The following TBC1D1 variants were observed in gnomAD, a reference collection of about 807,000 sequenced individuals.
The protein encoded by TBC1D1 is TBC1 (tre-2/USP6, BUB2, cdc16) domain family, member 1.
A neutral mutation model predicts 125.6 loss-of-function variants in TBC1D1; 89 were observed. The observed-to-expected ratio is 0.71, with a 90% CI of 0.60 to 0.85. TBC1D1 has a LOEUF of 0.85. TBC1D1 is among the 40% of genes least tolerant of loss of function. The probability of loss-of-function intolerance (pLI) is 0.00; values close to 1 mark genes in which losing one functional copy is unlikely to be tolerated. For missense variants in TBC1D1, 1,377 were observed against 1,469.2 expected (o/e 0.94, Z 1.03); for synonymous variants, 565 against 564.1 (o/e 1.00, Z -0.02).
At chr4:38,054,442 A>G in intron 12 of TBC1D1, 104 bp downstream of exon 14, 6 of 1,466,960 alleles carry the variant, frequency 4.1e-6, no homozygotes, top group Non-Finnish European at 4.7e-6. Flanking sequence ...CCTCTTCAGT[A>G]TTGGCAGGTC....
At chr4:38,092,885 C>T (rs1172937433) in intron 13 of TBC1D1, among the ~76,000 whole-genome samples, 1 of 152,110 alleles carries the variant, frequency 6.6e-6, no homozygotes, top group Admixed American at 6.6e-5. Flanking sequence ...GACTCACACA[C>T]ACACTCAGAC....
At chr4:38,116,348 C>G (rs566624164) in intron 16 of TBC1D1, among the ~76,000 whole-genome samples, 1 of 152,300 alleles carries the variant, frequency 6.6e-6, no homozygotes, top group South Asian at 2.1e-4. Context: ...GCCTCACCCC[C>G]ACCCTTGTCA....
At position 37,948,997 on chromosome 4, in the gene TBC1D1, G is replaced by A. The variant is rs148917722; in HGVS notation, c.417+46485G>A. 2.8e-3 allele frequency among the ~76,000 whole-genome samples: 424 copies of A among 152,196 alleles called. 5 individuals are homozygous for A. The highest frequency in any genetic ancestry group is 9.7e-3 in the African/African-American group (403 of 41,524). The stretch of plus-strand genomic sequence containing the variant: ...TAATACTCTATTGTATGGATATACC[G>A]CATTTTGTTTATCCAATCGTCAGTT... On this transcript the variant is annotated intron_variant, in intron 2 of 19. Transcript: ENST00000261439.
intron 11 of TBC1D1, among the ~76,000 whole-genome samples, chr4:38,052,647 T>C (rs1366883822): frequency 1.3e-5 from 2 of 152,066 alleles, no homozygotes; most frequent in Non-Finnish European, 2.9e-5. Flanking sequence ...AAATTGTTTT[T>C]TTATACTTAT....
At chr4:37,992,294 G>C (rs1055012907) in intron 2 of TBC1D1, among the ~76,000 whole-genome samples, 8 of 152,096 alleles carry the variant, frequency 5.3e-5, no homozygotes, top group Non-Finnish European at 1.0e-4. Flanking sequence ...TTTTGGGCTC[G>C]TGGTGAGAGA....
intron 15 of TBC1D1, among the ~76,000 whole-genome samples, chr4:38,115,321 C>G (rs60610248): frequency 0.015 from 2,331 of 152,150 alleles, 59 homozygotes; most frequent in African/African-American, 0.053. Context: ...AGGCTGGTCT[C>G]GAACTCCTGA....
intron 8 of TBC1D1, among the ~76,000 whole-genome samples, chr4:38,043,005 G>A (rs569682634): frequency 6.8e-4 from 104 of 152,130 alleles, no homozygotes; most frequent in Middle Eastern, 3.4e-3. Context: ...GAGTTCAAGC[G>A]ATTCTCCTGC....
chr4:38,013,075 G>A lies in TBC1D1; in HGVS notation c.418-1434G>A, dbSNP rs553517297. On this transcript the variant is annotated intron_variant, in intron 2 of 19. Transcript: ENST00000261439. ...CCCAAAGTGCTGGGATTACAGGCATGAGCCACTGCGCCTGGCTGAAATTTT... is the reference window on the plus strand; with the variant it reads ...CCCAAAGTGCTGGGATTACAGGCATAAGCCACTGCGCCTGGCTGAAATTTT... Among the ~76,000 whole-genome samples the A allele has an allele frequency of 3.3e-5, 5 of 152,360 alleles. No homozygotes were observed. In the South Asian group the frequency reaches 1.0e-3, roughly 32 times the overall value.
At chr4:37,954,242 T>TA (rs1728466527) in intron 2 of TBC1D1, among the ~76,000 whole-genome samples, 1 of 152,232 alleles carries the variant, frequency 6.6e-6, no homozygotes. Flanking sequence ...AGACGTCTTC[T>TA]AATATCTCAT....
intron 4 of TBC1D1, 71 bp downstream of exon 4, chr4:38,018,514 G>A: frequency 1.0e-6 from 1 of 989,138 alleles, no homozygotes. Context: ...TATCTATCAT[G>A]TAACAAATGC....
intron 15 of TBC1D1, chr4:38,110,059 C>T (rs1201741569): frequency 1.3e-5 from 3 of 222,454 alleles, no homozygotes; most frequent in East Asian, 1.8e-4. Context: ...GCAGAGCCAC[C>T]GTGAGACTGA....
intron 2 of TBC1D1, among the ~76,000 whole-genome samples, chr4:37,918,664 T>G (rs1027083257): frequency 1.3e-5 from 2 of 152,176 alleles, no homozygotes; most frequent in Admixed American, 6.5e-5. Context: ...GCCAGGCTGG[T>G]CTCAAACTCC....
intron 8 of TBC1D1, 49 bp from the exon 9 acceptor site, chr4:38,044,313 G>GA (rs1377649309): frequency 7.7e-6 from 12 of 1,557,644 alleles, no homozygotes; most frequent in Non-Finnish European, 1.0e-5. Flanking sequence ...ATTCCTTTAA[G>GA]AAGCAGAGAA....
chr4:38,050,491 C>T (rs971806168), intron 11 of TBC1D1, among the ~76,000 whole-genome samples: 2 of 152,192 alleles, frequency 1.3e-5, no homozygotes, highest in African/African-American at 2.4e-5. Context: ...GTTCCTGTGA[C>T]CAGTTAGAAT....
chr4:37,992,049 A>C (rs1292156513), intron 2 of TBC1D1, among the ~76,000 whole-genome samples: 1 of 152,204 alleles, frequency 6.6e-6, no homozygotes, highest in Non-Finnish European at 1.5e-5. Context: ...AGTTGAGTGG[A>C]GCCCCATTGG....
intron 2 of TBC1D1, among the ~76,000 whole-genome samples, chr4:37,916,364 A>G (rs1380053668): frequency 6.6e-6 from 1 of 152,024 alleles, no homozygotes; most frequent in African/African-American, 2.4e-5. Context: ...ATATACATAT[A>G]TATATACATA....
intron 2 of TBC1D1, among the ~76,000 whole-genome samples, chr4:37,996,952 C>T (rs1486269520): frequency 2.6e-5 from 4 of 152,154 alleles, no homozygotes; most frequent in Non-Finnish European, 5.9e-5. Flanking sequence ...AGGGGTTTGG[C>T]TTTTTAAGAT....
rs755025486 is a variant in TBC1D1 at position 38,052,194 on chromosome 4, T to TGTGTGTGTGTGTGTGC, written c.1911-2004_1911-2003insTGTGTGTGTGTGTGCG. On this transcript the variant is annotated intron_variant, in intron 11 of 19. Coordinates refer to ENST00000261439, the MANE Select transcript of TBC1D1 (RefSeq NM_015173.4). Reference sequence around the variant, plus strand: ...GTGTGTGTGTGTGTGTGTGTGTGTGTGCGCGCGCGTGTGTGTCTTTGTTTA... The same window carrying TGTGTGTGTGTGTGTGC: ...GTGTGTGTGTGTGTGTGTGTGTGTGTGTGTGTGTGTGTGTGCGCGCGCGCGTGTGTGTCTTTGTTTA... The TGTGTGTGTGTGTGTGC allele has an allele frequency of 2.5e-3, 1,440 of 581,180 alleles. 10 individuals are homozygous for TGTGTGTGTGTGTGTGC. The highest frequency in any genetic ancestry group is 0.023 in the African/African-American group (1,150 of 50,954). The allele number at this position is 581,180 out of a possible 1,614,324, so 36.0% of individuals were successfully genotyped here.
chr4:37,915,852 TG>T (rs1344011329), intron 2 of TBC1D1, among the ~76,000 whole-genome samples: 1 of 152,206 alleles, frequency 6.6e-6, no homozygotes, highest in East Asian at 1.9e-4. Flanking sequence ...CTTAGAGTTT[TG>T]TTCATGGGGT....
Sources: gnomAD v4.1 joint callset for allele counts (sites outside exome capture counted in the v4.1 genomes callset) on GRCh38, gnomAD v4.1.1 for gene constraint, MANE v1.5 for transcripts, NCBI Gene and HGNC (gene_info 2026-07-23, HGNC 2026-07-21) for gene names.